The following LRP12 variants were observed in gnomAD, a reference collection of about 807,000 sequenced individuals.
LRP12 encodes low-density lipoprotein receptor-related protein 12.
LRP12 carries 14 observed loss-of-function variants against 66.0 expected under a neutral mutation model. That is an observed-to-expected ratio of 0.21 (90% CI 0.14 to 0.33). The LOEUF (loss-of-function observed/expected upper bound fraction) is 0.33. Ranked by LOEUF, LRP12 falls within the 10% of genes least tolerant of loss-of-function variation. LRP12 has a pLI of 1.00. For missense variants in LRP12, 889 were observed against 1,053.4 expected, an observed-to-expected ratio of 0.84 and a Z score of 2.16; for synonymous variants, 357 against 359.1, an observed-to-expected ratio of 0.99 and a Z score of 0.07.
intron 1 of LRP12, among the ~76,000 whole-genome samples, chr8:104,586,917 G>A (rs983709002): frequency 8.6e-5 from 13 of 151,768 alleles, no homozygotes; most frequent in African/African-American, 3.2e-4. Flanking sequence ...TATAATCTGC[G>A]GCCCACACTG....
chr8:104,513,860 T>C (rs1229450313), intron 2 of LRP12, among the ~76,000 whole-genome samples: 2 of 152,302 alleles, frequency 1.3e-5, no homozygotes, highest in East Asian at 3.9e-4. Flanking sequence ...GTCATGAGTT[T>C]AAAATTTTTA....
At chr8:104,564,617 A>G (rs2140889561) in intron 1 of LRP12, among the ~76,000 whole-genome samples, 2 of 152,110 alleles carry the variant, frequency 1.3e-5, no homozygotes, top group South Asian at 4.2e-4. Context: ...TAAAAAAACA[A>G]AACTATCATT....
At chr8:104,545,487 T>G (rs1257952926) in intron 1 of LRP12, among the ~76,000 whole-genome samples, 1 of 152,126 alleles carries the variant, frequency 6.6e-6, no homozygotes, top group East Asian at 1.9e-4. Flanking sequence ...GTGACAAACT[T>G]CATTGCTGTC....
chr8:104,545,274 G>T (rs1811537240), intron 1 of LRP12, among the ~76,000 whole-genome samples: 1 of 152,202 alleles, frequency 6.6e-6, no homozygotes, highest in Admixed American at 6.5e-5. Context: ...GGTTTCTTCA[G>T]ATGCAATCTA....
intron 1 of LRP12, among the ~76,000 whole-genome samples, chr8:104,551,565 C>T (rs111925773): frequency 0.017 from 2,580 of 152,192 alleles, 73 homozygotes; most frequent in African/African-American, 0.058. Flanking sequence ...CCCATCTTTA[C>T]GTCTGTGAAT....
chr8:104,551,223 C>A (rs909945229), intron 1 of LRP12, among the ~76,000 whole-genome samples: 2 of 152,146 alleles, frequency 1.3e-5, no homozygotes, highest in African/African-American at 4.8e-5. Flanking sequence ...ACTCCTTCAA[C>A]CCAGTTCAGG....
At position 104,507,235 on chromosome 8, in the gene LRP12, A is replaced by G. The variant is rs376524525; in HGVS notation, c.272+1704T>C. On this transcript the variant is annotated intron_variant, in intron 3 of 6. Transcript: ENST00000276654. ...ATGGTATTACCATGATAATGACTTC[A>G]GTAAAGAATCTGAACAATTACTAAA... is the stretch of plus-strand genomic sequence containing the variant. The G allele has an allele frequency of 7.2e-5, 11 of 152,194 alleles. No homozygotes were observed. In the East Asian group the frequency reaches 1.2e-3, roughly 16 times the overall value. 9.4% of individuals were successfully genotyped at this position (152,194 alleles called of 1,614,324 possible). A position where few individuals can be genotyped will look rare whatever the true frequency, so the allele number is the denominator to read the frequency against.
intron 1 of LRP12, chr8:104,566,350 C>A: frequency 4.0e-6 from 1 of 248,316 alleles, no homozygotes; most frequent in South Asian, 7.3e-5. Context: ...TTAACTAAGT[C>A]TGGTGAGGAA....
intron 1 of LRP12, among the ~76,000 whole-genome samples, chr8:104,536,577 G>A (rs1399081148): frequency 1.3e-5 from 2 of 151,946 alleles, no homozygotes; most frequent in African/African-American, 4.8e-5. Context: ...TGAAGAGTTG[G>A]TAGTCTGTTG....
chr8:104,510,161 T>A (rs886742878), intron 2 of LRP12, among the ~76,000 whole-genome samples: 11 of 152,222 alleles, frequency 7.2e-5, no homozygotes, highest in Non-Finnish European at 8.8e-5. Context: ...CTTAGGAGCA[T>A]AATGCTGCTT....
chr8:104,555,304 T>C (rs901960169), intron 1 of LRP12, among the ~76,000 whole-genome samples: 19 of 152,056 alleles, frequency 1.2e-4, no homozygotes, highest in African/African-American at 1.9e-4. Context: ...ATGAAAAGAA[T>C]AGTACCTCGC....
chr8:104,536,734 G>A (rs1463864211), intron 1 of LRP12, among the ~76,000 whole-genome samples: 4 of 151,792 alleles, frequency 2.6e-5, no homozygotes, highest in Non-Finnish European at 5.9e-5. Flanking sequence ...TAGACAGTGC[G>A]ATTAGACAAG....
chr8:104,529,654 A>G (rs1007886424), intron 2 of LRP12, among the ~76,000 whole-genome samples: 2 of 152,214 alleles, frequency 1.3e-5, no homozygotes, highest in East Asian at 1.9e-4. Flanking sequence ...AATAATCTGC[A>G]TAACTCAGCA....
rs1588479920 is a variant in LRP12, at chr8:104,491,465, T to C, written c.1788A>G (p.Ala596=). The stretch of plus-strand genomic sequence containing the variant: ...GGTTCCAAATGTTGCTTGATCTGCC[T>C]GCCATAGGAAGCCTGACTGAAGTAA... ...LGFTSVRLPM[A]GRSSNIWNRI... is the part of the protein sequence containing the mutation. Residue 596 remains alanine (A), a synonymous_variant, in exon 7 of 7, where the codon GCA becomes GCG. Coordinates refer to ENST00000276654, the MANE Select transcript of LRP12 (RefSeq NM_013437.5). The C allele has an allele frequency of 2.5e-6, 4 of 1,613,992 alleles. No homozygotes were observed. Among genetic ancestry groups the C allele is most frequent in the Non-Finnish European group, 3.4e-6 (4 of 1,179,968 alleles).
intron 2 of LRP12, among the ~76,000 whole-genome samples, chr8:104,518,881 T>G (rs7813115): frequency 6.6e-6 from 1 of 151,658 alleles, no homozygotes; most frequent in Non-Finnish European, 1.5e-5. Flanking sequence ...GAAAGAGCAA[T>G]GGACAGATAC....
chr8:104,500,423 C>A (rs892047518), intron 3 of LRP12, among the ~76,000 whole-genome samples: 15 of 152,144 alleles, frequency 9.9e-5, no homozygotes, highest in Non-Finnish European at 1.9e-4. Context: ...TTTAAAAACT[C>A]CTGGCCGGGC....
chr8:104,497,285 T>C lies in LRP12; in HGVS notation c.1267A>G (p.Asn423Asp), dbSNP rs2140832369. 6.2e-7 allele frequency: 1 copy of C among 1,614,148 alleles called. No individual in the cohort carries two copies. The highest frequency in any genetic ancestry group is 2.2e-5 in the East Asian group (1 of 44,880). Residue 423 changes from asparagine to aspartate, a missense_variant, in exon 5 of 7, where the codon AAT (asparagine) becomes GAT (aspartate). Asn to Asp is a conservative substitution (Grantham distance 23). Coordinates refer to ENST00000276654, the MANE Select transcript of LRP12 (RefSeq NM_013437.5). This position sits in a 1 kb window ranked among gnomAD's most constrained non-coding sequence, Gnocchi z 4.3. ...CQKEEFPCSR[N>D]GVCYPRSDRC... ...TCAGAACGAGGATAACAGACACCATTTCGGGAACATGGAAATTCTTCCTTC... is the reference window on the plus strand; with the variant it reads ...TCAGAACGAGGATAACAGACACCATCTCGGGAACATGGAAATTCTTCCTTC...
chr8:104,533,415 C>T (rs1034455828), intron 1 of LRP12, among the ~76,000 whole-genome samples: 5 of 152,040 alleles, frequency 3.3e-5, no homozygotes, highest in African/African-American at 4.8e-5. Context: ...TTGCTACTCA[C>T]GAGTAGACTA....
At chr8:104,530,075 T>C (rs1312489063) in intron 2 of LRP12, among the ~76,000 whole-genome samples, 1 of 152,224 alleles carries the variant, frequency 6.6e-6, no homozygotes, top group African/African-American at 2.4e-5. Flanking sequence ...GTTTTTTGTT[T>C]TGAAATATAT....
Sources: allele counts gnomAD v4.1 joint callset (sites outside exome capture counted in the v4.1 genomes callset), GRCh38; gene constraint gnomAD v4.1.1; non-coding constraint Gnocchi (gnomAD v3.1); transcripts MANE v1.5; gene names NCBI Gene and HGNC (gene_info 2026-07-23, HGNC 2026-07-21).